Variants in KCNAB1 observed in about 807,000 individuals in gnomAD.
KCNAB1 encodes the protein voltage-gated potassium channel subunit beta-1.
KCNAB1 carries 35 observed loss-of-function variants against 64.6 expected under a neutral mutation model. That is an observed-to-expected ratio of 0.54 (90% CI 0.41 to 0.72). The LOEUF (loss-of-function observed/expected upper bound fraction) is 0.72, where lower values mean the gene tolerates loss of function less well. KCNAB1 is among the 30% of genes least tolerant of loss of function. The pLI is 0.00. For missense variants in KCNAB1, 401 were observed against 512.9 expected, an observed-to-expected ratio of 0.78 and a Z score of 2.11; for synonymous variants, 177 against 183.8, an observed-to-expected ratio of 0.96 and a Z score of 0.30.
intron 1 of KCNAB1, among the ~76,000 whole-genome samples, chr3:156,194,705 C>T (rs1161783244): frequency 6.6e-6 from 1 of 152,158 alleles, no homozygotes; most frequent in Non-Finnish European, 1.5e-5. Context: ...TTTAATTATA[C>T]ATATATTAAG....
intron 1 of KCNAB1, among the ~76,000 whole-genome samples, chr3:156,366,135 C>T (rs935530443): frequency 6.6e-6 from 1 of 152,210 alleles, no homozygotes; most frequent in African/African-American, 2.4e-5. Context: ...TGAATGCAAT[C>T]TGGCATTTTC....
intron 1 of KCNAB1, chr3:156,217,844 GA>G (rs1560141540): frequency 1.3e-5 from 2 of 152,226 alleles, no homozygotes; most frequent in Non-Finnish European, 1.5e-5. Flanking sequence ...ATCAGGAATT[GA>G]AAATCTCCAG....
At chr3:156,319,251 G>T (rs1325107645) in intron 1 of KCNAB1, among the ~76,000 whole-genome samples, 1 of 152,106 alleles carries the variant, frequency 6.6e-6, no homozygotes, top group Non-Finnish European at 1.5e-5. Flanking sequence ...AGGTTATGCT[G>T]CAGGTGCAAA....
chr3:156,341,077 T>C (rs1724075722), intron 1 of KCNAB1, among the ~76,000 whole-genome samples: 1 of 152,238 alleles, frequency 6.6e-6, no homozygotes. Context: ...TAAGTATTTT[T>C]ATGGCAAATT....
At position 156,371,065 on chromosome 3, in the gene KCNAB1, AAT is replaced by A. The variant is rs1327118010; in HGVS notation, c.276-50550_276-50549del. ...AGATGTTTATCATAGATAAGGAATG[AAT>A]CTCAGCATTGGCCACTTCCAGATTT... On this transcript the variant is annotated intron_variant, in intron 1 of 13. Coordinates refer to ENST00000490337, the MANE Select transcript of KCNAB1 (RefSeq NM_172160.3). Among the ~76,000 whole-genome samples the A allele has an allele frequency of 2.6e-5, 4 of 152,228 alleles. No individual in the cohort carries two copies. The East Asian group carries it at 7.7e-4, about 29-fold the overall frequency.
At chr3:156,489,374 A>G (rs1715471382) in intron 8 of KCNAB1, among the ~76,000 whole-genome samples, 1 of 152,114 alleles carries the variant, frequency 6.6e-6, no homozygotes, top group Non-Finnish European at 1.5e-5. Flanking sequence ...AACTATATCA[A>G]ATGTTACCGA....
At chr3:156,458,639 T>A (rs1342295366) in intron 4 of KCNAB1, among the ~76,000 whole-genome samples, 1 of 152,172 alleles carries the variant, frequency 6.6e-6, no homozygotes, top group African/African-American at 2.4e-5. Flanking sequence ...TTCTGTTGAA[T>A]CCAAGGAGAG....
intron 1 of KCNAB1, among the ~76,000 whole-genome samples, chr3:156,161,960 T>C (rs1716106220): frequency 1.3e-5 from 2 of 152,254 alleles, no homozygotes; most frequent in African/African-American, 4.8e-5. Context: ...ATGTTTTGCT[T>C]ATGTTAAAAA....
chr3:156,536,757 T>C lies in KCNAB1; in HGVS notation c.*10T>C, dbSNP rs533360154. On this transcript the variant is annotated 3_prime_UTR_variant, in exon 14 of 14. Coordinates refer to ENST00000490337, the MANE Select transcript of KCNAB1 (RefSeq NM_172160.3). ...GGACTATAGATCATAAGGCAATGCA[T>C]GAACCACAGAAGCTGCATGGTTAAA... The C allele has an allele frequency of 5.1e-6, 8 of 1,572,752 alleles. No individual in the cohort carries two copies. The South Asian group carries it at 7.8e-5, about 15-fold the overall frequency.
chr3:156,145,764 G>A (rs1272268643), intron 1 of KCNAB1, among the ~76,000 whole-genome samples: 1 of 152,136 alleles, frequency 6.6e-6, no homozygotes, highest in East Asian at 1.9e-4. Flanking sequence ...ACATAGAAAT[G>A]TCTAATACAG....
intron 1 of KCNAB1, among the ~76,000 whole-genome samples, chr3:156,194,885 G>T (rs1027242318): frequency 6.6e-6 from 1 of 152,026 alleles, no homozygotes; most frequent in Non-Finnish European, 1.5e-5. Flanking sequence ...CATCATCTAG[G>T]TTTTAAGCCC....
chr3:156,537,909 A>T lies in KCNAB1; in HGVS notation c.*1162A>T, dbSNP rs991805434. ...ATATGCTGGGTAAATTGACTTGCCTAGTGAAAAGCAAAATGTTAAAGAAAG... is the reference window on the plus strand; with the variant it reads ...ATATGCTGGGTAAATTGACTTGCCTTGTGAAAAGCAAAATGTTAAAGAAAG... On this transcript the variant is annotated 3_prime_UTR_variant, in exon 14 of 14. Coordinates refer to ENST00000490337, the MANE Select transcript of KCNAB1 (RefSeq NM_172160.3). 3 of 152,262 alleles carry T rather than the reference A, an allele frequency of 2.0e-5. No homozygotes were observed. Among genetic ancestry groups the T allele is most frequent in the Non-Finnish European group, 4.4e-5 (3 of 68,036 alleles). 9.4% of individuals were successfully genotyped at this position (152,262 alleles called of 1,614,324 possible).
intron 2 of KCNAB1, among the ~76,000 whole-genome samples, chr3:156,435,031 T>C (rs148180947): frequency 2.6e-5 from 4 of 152,238 alleles, no homozygotes; most frequent in African/African-American, 9.6e-5. Flanking sequence ...TCAGTGCTAG[T>C]GTGGGTAACT....
intron 11 of KCNAB1, among the ~76,000 whole-genome samples, chr3:156,518,652 G>A (rs1357371093): frequency 6.6e-6 from 1 of 152,176 alleles, no homozygotes; most frequent in Non-Finnish European, 1.5e-5. Flanking sequence ...TGCATCTGTT[G>A]TAGTACTGAA....
At chr3:156,197,448 T>C (rs571328574) in intron 1 of KCNAB1, among the ~76,000 whole-genome samples, 1 of 152,318 alleles carries the variant, frequency 6.6e-6, no homozygotes, top group African/African-American at 2.4e-5. Flanking sequence ...GGGCTTTTTT[T>C]GGTTGGTAGG....
At chr3:156,413,394 C>G (rs1247929427) in intron 1 of KCNAB1, among the ~76,000 whole-genome samples, 1 of 152,180 alleles carries the variant, frequency 6.6e-6, no homozygotes, top group Non-Finnish European at 1.5e-5. Flanking sequence ...AGGAGCAGAG[C>G]TTGGAGTCAA....
intron 8 of KCNAB1, among the ~76,000 whole-genome samples, chr3:156,482,069 T>G (rs1714856371): frequency 6.6e-6 from 1 of 152,160 alleles, no homozygotes; most frequent in Non-Finnish European, 1.5e-5. Flanking sequence ...GGATCTGTGA[T>G]GAAGTCATGT....
intron 1 of KCNAB1, among the ~76,000 whole-genome samples, chr3:156,284,074 G>GT (rs1479952461): frequency 1.3e-5 from 2 of 152,230 alleles, no homozygotes; most frequent in South Asian, 2.1e-4. Context: ...TTTCTGTTCT[G>GT]TTTTTTCCCC....
intron 1 of KCNAB1, among the ~76,000 whole-genome samples, chr3:156,170,875 C>T (rs1711924889): frequency 6.6e-6 from 1 of 152,208 alleles, no homozygotes; most frequent in South Asian, 2.1e-4. Context: ...GAAATGTTTT[C>T]AATTCCCTTT....
Sources: gnomAD v4.1 joint callset for allele counts (sites outside exome capture counted in the v4.1 genomes callset) on GRCh38, gnomAD v4.1.1 for gene constraint, MANE v1.5 for transcripts, NCBI Gene and HGNC (gene_info 2026-07-23, HGNC 2026-07-21) for gene names.